Variants in UBR3 observed in about 807,000 individuals in gnomAD.
The protein encoded by UBR3 is E3 ubiquitin-protein ligase UBR3.
Under a neutral mutation model 243.2 loss-of-function variants are expected in UBR3, and 85 were observed. The observed-to-expected ratio is 0.35, with a 90% CI of 0.29 to 0.42. The LOEUF is 0.42. Among genes scored for constraint, UBR3 ranks in the 10% least tolerant of loss-of-function variants. The probability of loss-of-function intolerance (pLI) is 1.00; values close to 1 mark genes in which losing one functional copy is unlikely to be tolerated. For missense variants in UBR3, 1,686 were observed against 2,300.8 expected (o/e 0.73, Z 5.47); for synonymous variants, 748 against 799.8 (o/e 0.94, Z 1.09).
chr2:169,886,819 A>G (rs1013241771), intron 5 of UBR3, among the ~76,000 whole-genome samples: 2 of 152,218 alleles, frequency 1.3e-5, no homozygotes, highest in African/African-American at 4.8e-5. Context: ...ATACTTGTGA[A>G]GTTGATTTAA....
At chr2:169,845,435 A>C (rs1195181311) in intron 1 of UBR3, among the ~76,000 whole-genome samples, 1 of 147,918 alleles carries the variant, frequency 6.8e-6, no homozygotes, top group Non-Finnish European at 1.5e-5. Flanking sequence ...AAAAAAAAAA[A>C]AGAAATTTTG....
chr2:169,827,778 C>A lies in UBR3; in HGVS notation c.271C>A (p.Leu91Met). Reference sequence around the variant, plus strand: ...TCCGGGGGCGGCCGAGGAGGAGGCCCTGGAGTGGTGTAAGTGCCTTCTGGC... The same window carrying A: ...TCCGGGGGCGGCCGAGGAGGAGGCCATGGAGTGGTGTAAGTGCCTTCTGGC... ...GGPGAAEEEALEWCKCLLAGG... is the reference protein window; with the variant it reads ...GGPGAAEEEAMEWCKCLLAGG... The change falls in exon 1 of 39, where the codon CTG becomes ATG. Residue 91 changes from leucine (L) to methionine (M), a missense_variant. Leu to Met is a conservative substitution (Grantham distance 15). Around this residue, in one of 8 missense-constraint regions of UBR3, gnomAD observed 145 missense variants for 243.8 expected, o/e 0.59. Coordinates refer to ENST00000272793, the MANE Select transcript of UBR3 (RefSeq NM_172070.4). 3.4e-6 allele frequency: 5 copies of A among 1,460,510 alleles called. No homozygotes were observed. The highest frequency in any genetic ancestry group is 3.6e-6 in the Non-Finnish European group (4 of 1,107,240). The allele number at this position is 1,460,510 out of a possible 1,614,324, so 90.5% of individuals were successfully genotyped here.
At chr2:170,036,117 AAGAC>A (rs1317459304) in intron 31 of UBR3, among the ~76,000 whole-genome samples, 1 of 152,042 alleles carries the variant, frequency 6.6e-6, no homozygotes, top group African/African-American at 2.4e-5. Flanking sequence ...TAAACAAAGA[AAGAC>A]AGTTTTATTT....
chr2:169,889,260 T>C (rs769738427), intron 5 of UBR3, among the ~76,000 whole-genome samples: 7 of 152,202 alleles, frequency 4.6e-5, no homozygotes, highest in Non-Finnish European at 7.3e-5. Context: ...TCCCCTTCTT[T>C]GCTTGGCTAA....
intron 10 of UBR3, among the ~76,000 whole-genome samples, chr2:169,907,195 C>T (rs1035071035): frequency 6.6e-6 from 1 of 151,762 alleles, no homozygotes; most frequent in Non-Finnish European, 1.5e-5. Flanking sequence ...CACCGGCACA[C>T]CTGGCTAATT....
chr2:170,034,241 G>A (rs1258102201), intron 31 of UBR3, among the ~76,000 whole-genome samples: 1 of 151,840 alleles, frequency 6.6e-6, no homozygotes, highest in African/African-American at 2.4e-5. Context: ...AGATTCTGTA[G>A]GTTTAGGCAA....
At chr2:169,920,243 A>T (rs1339919337) in intron 11 of UBR3, among the ~76,000 whole-genome samples, 1 of 152,040 alleles carries the variant, frequency 6.6e-6, no homozygotes. Context: ...GCATGTTCTC[A>T]CTCATAGGTG....
At chr2:169,907,846 A>G (rs903629205) in intron 10 of UBR3, among the ~76,000 whole-genome samples, 1 of 152,002 alleles carries the variant, frequency 6.6e-6, no homozygotes, top group East Asian at 1.9e-4. Flanking sequence ...AACTCAGCTC[A>G]CTGCAACCTC....
At position 169,925,630 on chromosome 2, in the gene UBR3, A is replaced by G. The variant is rs1417608504; in HGVS notation, c.2034A>G (p.Ala678=). ...IHPLQIQASL[A]EIHSNMWVRN... ...TTTACTTTTATTAGGCAAGTCTTGC[A>G]GAAATCCACAGCAATATGTGGGTAA... Residue 678 remains alanine, a synonymous_variant, in exon 14 of 39, where the codon GCA becomes GCG. Transcript: ENST00000272793. 5 of 1,548,600 alleles carry G rather than the reference A, an allele frequency of 3.2e-6. No individual in the cohort carries two copies. Among genetic ancestry groups the G allele is most frequent in the Non-Finnish European group, 2.6e-6 (3 of 1,145,904 alleles).
intron 35 of UBR3, among the ~76,000 whole-genome samples, chr2:170,071,827 C>G (rs1299647136): frequency 9.9e-5 from 15 of 152,092 alleles, no homozygotes. Context: ...ATGTGCCAAG[C>G]ATTAGGAGGA....
chr2:169,896,023 G>A lies in UBR3; in HGVS notation c.1237-484G>A, dbSNP rs571228365. Among the ~76,000 whole-genome samples, 214 of 152,254 alleles carry A rather than the reference G, an allele frequency of 1.4e-3. 3 individuals are homozygous for A. The highest frequency in any genetic ancestry group is 3.3e-3 in the South Asian group (16 of 4,818). ...AGAGTAAAAATAAATACGGCTGGGC[G>A]TGGTAGCTCACGTCTGTAGTCCCAG... On this transcript the variant is annotated intron_variant, in intron 7 of 38. Coordinates refer to ENST00000272793, the MANE Select transcript of UBR3 (RefSeq NM_172070.4).
intron 8 of UBR3, among the ~76,000 whole-genome samples, chr2:169,904,340 A>C (rs1008071567): frequency 1.3e-5 from 2 of 152,206 alleles, no homozygotes; most frequent in African/African-American, 4.8e-5. Flanking sequence ...GGAATGAGCT[A>C]TGAGCCTTGA....
At chr2:170,065,063 G>A (rs1374393939) in intron 35 of UBR3, among the ~76,000 whole-genome samples, 3 of 151,604 alleles carry the variant, frequency 2.0e-5, no homozygotes, top group East Asian at 1.9e-4. Flanking sequence ...GGCCGGTCTC[G>A]AACTCTGGAC....
At chr2:170,007,621 G>T (rs907223265) in intron 28 of UBR3, among the ~76,000 whole-genome samples, 12 of 151,962 alleles carry the variant, frequency 7.9e-5, no homozygotes, top group Admixed American at 7.9e-4. Context: ...AGCCAGGCGT[G>T]GTGGCGCTGA....
intron 35 of UBR3, among the ~76,000 whole-genome samples, chr2:170,070,896 T>C (rs569764115): frequency 9.9e-5 from 15 of 152,284 alleles, no homozygotes; most frequent in African/African-American, 2.9e-4. Context: ...GTATCCAGAA[T>C]GTGTCAAAAA....
At chr2:169,828,393 T>A (rs559997165) in intron 1 of UBR3, among the ~76,000 whole-genome samples, 1 of 151,960 alleles carries the variant, frequency 6.6e-6, no homozygotes, top group Admixed American at 6.5e-5. Context: ...CTGTCAAGTG[T>A]GTACTTGTTG....
intron 1 of UBR3, among the ~76,000 whole-genome samples, chr2:169,835,238 TC>T (rs2082046650): frequency 2.0e-5 from 3 of 152,048 alleles, no homozygotes; most frequent in Non-Finnish European, 4.4e-5. Flanking sequence ...GCACCTGTAG[TC>T]CCAGCTACTC....
chr2:169,935,173 T>C (rs2086278417), intron 19 of UBR3, among the ~76,000 whole-genome samples: 1 of 152,208 alleles, frequency 6.6e-6, no homozygotes, highest in African/African-American at 2.4e-5. Context: ...GTTTTTTGTT[T>C]GTTTGTTTTT....
chr2:170,075,112 A>T (rs2091777766), intron 36 of UBR3, among the ~76,000 whole-genome samples: 1 of 152,164 alleles, frequency 6.6e-6, no homozygotes, highest in South Asian at 2.1e-4. Context: ...ATAAAAGATA[A>T]GCATAAGTTA....
Sources: allele counts gnomAD v4.1 joint callset (sites outside exome capture counted in the v4.1 genomes callset), GRCh38; gene constraint gnomAD v4.1.1; regional missense constraint gnomAD v4.1.1; transcripts MANE v1.5; gene names NCBI Gene and HGNC (gene_info 2026-07-23, HGNC 2026-07-21).